The following UBASH3B variants were observed in gnomAD, a reference collection of about 807,000 sequenced individuals.
The protein encoded by UBASH3B is ubiquitin associated and SH3 domain containing B.
UBASH3B carries 37 observed loss-of-function variants against 83.4 expected under a neutral mutation model. The observed-to-expected ratio is 0.44, with a 90% CI of 0.34 to 0.58. The LOEUF (loss-of-function observed/expected upper bound fraction) is 0.58, where lower values mean the gene tolerates loss of function less well. Among genes scored for constraint, UBASH3B ranks in the 20% least tolerant of loss-of-function variants. The probability of loss-of-function intolerance (pLI) is 0.01; values close to 1 mark genes in which losing one functional copy is unlikely to be tolerated. For synonymous variants in UBASH3B, 304 were observed against 318.3 expected (o/e 0.96, Z 0.48); for missense variants, 657 against 827.2 (o/e 0.79, Z 2.52).
At chr11:122,753,486 C>G (rs113259019) in intron 1 of UBASH3B, among the ~76,000 whole-genome samples, 9,068 of 134,216 alleles carry the variant, frequency 0.068, 269 homozygotes, top group Middle Eastern at 0.091. Flanking sequence ...GTTTCTTTAT[C>G]TTTTTTCTTT....
chr11:122,656,184 C>T lies in UBASH3B; in HGVS notation c.135C>T (p.Leu45=). 6.5e-7 allele frequency: 1 copy of T among 1,527,410 alleles called. No homozygotes were observed. Among genetic ancestry groups the T allele is most frequent in the Non-Finnish European group, 8.8e-7 (1 of 1,138,882 alleles). The allele number at this position is 1,527,410 out of a possible 1,614,324, so 94.6% of individuals were successfully genotyped here. A position where few individuals can be genotyped will look rare whatever the true frequency, so the allele number is the denominator to read the frequency against. The change falls in exon 1 of 14, where the codon CTC becomes CTT. Residue 45 remains leucine (L), a synonymous_variant. Coordinates refer to ENST00000284273, the MANE Select transcript of UBASH3B (RefSeq NM_032873.5). ...ATGGATCGGCGCTGGACGTGCTCCTCTCCATGGGGTTCCCCAGAGCCCGCG... is the reference window on the plus strand; with the variant it reads ...ATGGATCGGCGCTGGACGTGCTCCTTTCCATGGGGTTCCCCAGAGCCCGCG... ...IKHGSALDVL[L]SMGFPRARAQ... is the part of the protein sequence containing the mutation.
chr11:122,800,402 A>C (rs2002404), intron 10 of UBASH3B, among the ~76,000 whole-genome samples: 5 of 144,190 alleles, frequency 3.5e-5, no homozygotes, highest in East Asian at 4.4e-4. Flanking sequence ...AAAAAAAAAA[A>C]CAAGAGCTGG....
chr11:122,711,741 C>T (rs1042745378), intron 1 of UBASH3B, among the ~76,000 whole-genome samples: 1 of 152,182 alleles, frequency 6.6e-6, no homozygotes, highest in Middle Eastern at 3.2e-3. Context: ...GTCCTTGGGC[C>T]TTTGCATTTC....
chr11:122,668,391 G>A (rs1475431657), intron 1 of UBASH3B, among the ~76,000 whole-genome samples: 1 of 152,090 alleles, frequency 6.6e-6, no homozygotes, highest in East Asian at 1.9e-4. Flanking sequence ...TTTTCCTTTT[G>A]CTCCTCTCTT....
intron 1 of UBASH3B, among the ~76,000 whole-genome samples, chr11:122,701,571 G>A (rs997252928): frequency 3.3e-5 from 5 of 152,052 alleles, no homozygotes; most frequent in African/African-American, 7.2e-5. Context: ...CCATGGTGAC[G>A]CAGAGGTCTG....
chr11:122,695,898 T>C (rs939054610), intron 1 of UBASH3B, among the ~76,000 whole-genome samples: 1 of 152,254 alleles, frequency 6.6e-6, no homozygotes, highest in Non-Finnish European at 1.5e-5. Flanking sequence ...AATAGTCACA[T>C]TGAGCTTATG....
chr11:122,656,343 C>G, intron 1 of UBASH3B, 133 bp downstream of exon 1: 1 of 943,382 alleles, frequency 1.1e-6, no homozygotes, highest in Non-Finnish European at 1.4e-6. Flanking sequence ...CTGTTGGGGG[C>G]GGGATGGGCG....
At chr11:122,784,678 A>C (rs182485661) in intron 5 of UBASH3B, among the ~76,000 whole-genome samples, 117 of 152,356 alleles carry the variant, frequency 7.7e-4, no homozygotes, top group African/African-American at 2.7e-3. Context: ...CATGAAAAAC[A>C]GTTAGAACCC....
intron 1 of UBASH3B, among the ~76,000 whole-genome samples, chr11:122,717,910 C>CT (rs61463946): frequency 3.9e-4 from 57 of 144,582 alleles, no homozygotes; most frequent in Admixed American, 4.8e-4. Flanking sequence ...TTCTTTCTTT[C>CT]TTTTTTTTTT....
At chr11:122,770,956 G>C (rs1343601871) in intron 1 of UBASH3B, among the ~76,000 whole-genome samples, 2 of 152,184 alleles carry the variant, frequency 1.3e-5, no homozygotes, top group African/African-American at 4.8e-5. Context: ...AAGCAAATCT[G>C]AACATGCCTC....
intron 9 of UBASH3B, among the ~76,000 whole-genome samples, chr11:122,798,553 G>T (rs528177607): frequency 5.9e-4 from 90 of 151,816 alleles, no homozygotes; most frequent in African/African-American, 2.0e-3. Flanking sequence ...TCTACTAAAA[G>T]TACAAAAATT....
At chr11:122,662,672 C>A (rs2135891309) in intron 1 of UBASH3B, among the ~76,000 whole-genome samples, 1 of 152,152 alleles carries the variant, frequency 6.6e-6, no homozygotes, top group South Asian at 2.1e-4. Context: ...CTCAGGTGAT[C>A]CGCCCGCCTC....
At chr11:122,705,611 T>C (rs115437038) in intron 1 of UBASH3B, among the ~76,000 whole-genome samples, 3,030 of 152,234 alleles carry the variant, frequency 0.02, 105 homozygotes, top group African/African-American at 0.07. Flanking sequence ...GCCTGCTCTC[T>C]AGCCCTAATC....
chr11:122,715,121 A>G (rs558375541), intron 1 of UBASH3B, among the ~76,000 whole-genome samples: 4 of 152,048 alleles, frequency 2.6e-5, no homozygotes, highest in Non-Finnish European at 5.9e-5. Context: ...AATTTTTTGT[A>G]TTTTTAGTAG....
intron 1 of UBASH3B, among the ~76,000 whole-genome samples, 177 bp downstream of exon 1, chr11:122,656,387 G>A (rs1031374944): frequency 3.3e-5 from 5 of 152,186 alleles, no homozygotes; most frequent in Admixed American, 1.3e-4. Context: ...CCGGGCGGGG[G>A]TGCGGGGGAA....
chr11:122,680,245 G>T (rs1863721055), intron 1 of UBASH3B, among the ~76,000 whole-genome samples: 1 of 152,338 alleles, frequency 6.6e-6, no homozygotes, highest in Admixed American at 6.5e-5. Context: ...TGATCTGTGG[G>T]TTTCTGTATC....
intron 1 of UBASH3B, among the ~76,000 whole-genome samples, chr11:122,706,973 GACTGGTAGATGATCTT>G (rs1864127435): frequency 1.3e-5 from 2 of 152,150 alleles, no homozygotes; most frequent in African/African-American, 4.8e-5. Flanking sequence ...GCCAGTGGAA[GACTGGTAGATGATCTT>G]CCTTAGAAGG....
intron 1 of UBASH3B, among the ~76,000 whole-genome samples, chr11:122,706,534 G>C (rs183535448): frequency 6.6e-6 from 1 of 152,260 alleles, no homozygotes; most frequent in African/African-American, 2.4e-5. Flanking sequence ...CCAGTACCTA[G>C]ATACGAGATT....
intron 4 of UBASH3B, chr11:122,782,593 T>G (rs1435765894): frequency 6.5e-6 from 1 of 153,342 alleles, no homozygotes; most frequent in Non-Finnish European, 1.5e-5. Context: ...TCTTTTCCCC[T>G]CATTTCTCCA....
Sources: allele counts gnomAD v4.1 joint callset (sites outside exome capture counted in the v4.1 genomes callset), GRCh38; gene constraint gnomAD v4.1.1; transcripts MANE v1.5; gene names NCBI Gene and HGNC (gene_info 2026-07-23, HGNC 2026-07-21).